Variants in PALM2AKAP2 observed in about 807,000 individuals in gnomAD.
PALM2AKAP2 encodes PALM2 and AKAP2 fusion, also known as PALM2-AKAP2 fusion protein.
PALM2AKAP2 carries 37 observed loss-of-function variants against 71.5 expected under a neutral mutation model. That is an observed-to-expected ratio of 0.52 (90% CI 0.40 to 0.68). The LOEUF (loss-of-function observed/expected upper bound fraction) is 0.68, where lower values mean the gene tolerates loss of function less well. Among genes scored for constraint, PALM2AKAP2 ranks in the 30% least tolerant of loss-of-function variants. The probability of loss-of-function intolerance (pLI) is 0.00; values close to 1 mark genes in which losing one functional copy is unlikely to be tolerated. For synonymous variants in PALM2AKAP2, 468 were observed against 478.8 expected (o/e 0.98, Z 0.29); for missense variants, 1,224 against 1,191.8 (o/e 1.03, Z -0.40).
intron 1 of PALM2AKAP2, among the ~76,000 whole-genome samples, chr9:109,735,651 A>G (rs929311856): frequency 4.6e-5 from 7 of 152,274 alleles, no homozygotes; most frequent in Middle Eastern, 3.4e-3. Flanking sequence ...TTCATTTTGC[A>G]CTGCTCTTTA....
At chr9:109,769,697 G>C (rs10816864) in intron 1 of PALM2AKAP2, among the ~76,000 whole-genome samples, 46,682 of 152,040 alleles carry the variant, frequency 0.31, 9,010 homozygotes, top group African/African-American at 0.52. Context: ...GGACCTAACA[G>C]TGTTTGAGGG....
intron 1 of PALM2AKAP2, among the ~76,000 whole-genome samples, chr9:109,732,662 C>A (rs943876861): frequency 6.6e-6 from 1 of 152,030 alleles, no homozygotes; most frequent in Non-Finnish European, 1.5e-5. Flanking sequence ...TGGGGAAAGA[C>A]AGATAATAAA....
At chr9:109,714,124 A>G (rs1483205872) in intron 1 of PALM2AKAP2, among the ~76,000 whole-genome samples, 1 of 152,250 alleles carries the variant, frequency 6.6e-6, no homozygotes, top group African/African-American at 2.4e-5. Context: ...CATCTGTCTC[A>G]GGGACATTTC....
In PALM2AKAP2 at chr9:109,943,053, G is replaced by A. The variant is rs146509905; in HGVS notation, c.496+11025G>A. ...AGTCTAGGAAAGACCATTCTTCCGG[G>A]AACCCAGGGCAGCAGGCCCAAGCCC... On this transcript the variant is annotated intron_variant, in intron 6 of 9. Coordinates refer to the PALM2AKAP2 transcript ENST00000302798. 96 of 1,614,236 alleles carry A rather than the reference G, an allele frequency of 5.9e-5. No homozygotes were observed. In the African/African-American group the frequency reaches 1.2e-3, roughly 19 times the overall value.
At chr9:109,980,097 G>A (rs1297877427) in intron 6 of PALM2AKAP2, among the ~76,000 whole-genome samples, 1 of 152,106 alleles carries the variant, frequency 6.6e-6, no homozygotes, top group African/African-American at 2.4e-5. Flanking sequence ...AACCCTCACT[G>A]TGCCCTGTGC....
chr9:110,090,154 G>T (rs189362110), intron 1 of PALM2AKAP2: 1 of 310,822 alleles, frequency 3.2e-6, no homozygotes, highest in Non-Finnish European at 6.5e-6. Context: ...AAGTCGGGCC[G>T]GTTCACATTG....
At chr9:109,685,948 C>G (rs748464764) in intron 1 of PALM2AKAP2, among the ~76,000 whole-genome samples, 6 of 152,046 alleles carry the variant, frequency 3.9e-5, no homozygotes, top group African/African-American at 7.2e-5. Context: ...TATTCTAAAT[C>G]CTTTCTGTGA....
intron 1 of PALM2AKAP2, among the ~76,000 whole-genome samples, chr9:109,781,130 C>G (rs900167085): frequency 6.6e-6 from 1 of 152,184 alleles, no homozygotes; most frequent in African/African-American, 2.4e-5. Flanking sequence ...GAGCCTCCTT[C>G]TTATGGTGTG....
intron 6 of PALM2AKAP2, among the ~76,000 whole-genome samples, chr9:109,972,992 G>C (rs1464544385): frequency 3.3e-5 from 5 of 152,076 alleles, no homozygotes; most frequent in African/African-American, 1.2e-4. Context: ...TAAGCAAAAA[G>C]ACTCAGTTAA....
At chr9:109,826,242 C>G (rs1828147029) in intron 1 of PALM2AKAP2, among the ~76,000 whole-genome samples, 1 of 152,014 alleles carries the variant, frequency 6.6e-6, no homozygotes, top group African/African-American at 2.4e-5. Flanking sequence ...GGAGGGATAG[C>G]ATTAGGAGAT....
chr9:109,763,763 C>A (rs114720218), intron 1 of PALM2AKAP2, among the ~76,000 whole-genome samples: 1 of 151,998 alleles, frequency 6.6e-6, no homozygotes, highest in Admixed American at 6.5e-5. Context: ...GATGCATAGG[C>A]CCTCAATGTG....
At chr9:109,958,132 G>T (rs937893363) in intron 6 of PALM2AKAP2, among the ~76,000 whole-genome samples, 7 of 149,392 alleles carry the variant, frequency 4.7e-5, no homozygotes, top group Admixed American at 1.4e-4. Flanking sequence ...AAATATATTT[G>T]AGGCAGTTGA....
chr9:109,708,770 T>C (rs1296935284), intron 1 of PALM2AKAP2, among the ~76,000 whole-genome samples: 1 of 152,184 alleles, frequency 6.6e-6, no homozygotes, highest in Non-Finnish European at 1.5e-5. Context: ...AAAATTACCA[T>C]GAGGTTCTGC....
chr9:110,035,432 C>T (rs1051625766), intron 7 of PALM2AKAP2, among the ~76,000 whole-genome samples: 9 of 136,852 alleles, frequency 6.6e-5, no homozygotes, highest in South Asian at 2.2e-4. Flanking sequence ...ATATTATATA[C>T]GTATATTATG....
chr9:110,107,945 G>A (rs1313075792), intron 1 of PALM2AKAP2, among the ~76,000 whole-genome samples: 1 of 152,144 alleles, frequency 6.6e-6, no homozygotes, highest in Non-Finnish European at 1.5e-5. Context: ...AGGCAAATTT[G>A]TAATTCTGTG....
intron 1 of PALM2AKAP2, among the ~76,000 whole-genome samples, chr9:109,849,266 C>T (rs1758914655): frequency 6.6e-6 from 1 of 151,966 alleles, no homozygotes; most frequent in African/African-American, 2.4e-5. Flanking sequence ...AGCCCCAGGA[C>T]TCTGCATTGG....
intron 3 of PALM2AKAP2, among the ~76,000 whole-genome samples, chr9:109,922,540 G>A (rs1420464626): frequency 6.6e-6 from 1 of 150,530 alleles, no homozygotes; most frequent in African/African-American, 2.4e-5. Flanking sequence ...CAACAGAGGG[G>A]AAAGAGACCA....
intron 2 of PALM2AKAP2, among the ~76,000 whole-genome samples, chr9:109,878,649 G>A (rs922783746): frequency 2.7e-5 from 4 of 150,408 alleles, no homozygotes; most frequent in African/African-American, 9.7e-5. Context: ...GCATGGAGCA[G>A]GGTGTCTACA....
chr9:109,700,913 G>C (rs1828044889), intron 1 of PALM2AKAP2, among the ~76,000 whole-genome samples: 1 of 152,000 alleles, frequency 6.6e-6, no homozygotes, highest in Non-Finnish European at 1.5e-5. Context: ...GAGTGTAGCT[G>C]GCAAAAATGT....
Sources: allele counts gnomAD v4.1 joint callset (sites outside exome capture counted in the v4.1 genomes callset), GRCh38; gene constraint gnomAD v4.1.1; transcripts MANE v1.5; gene names NCBI Gene and HGNC (gene_info 2026-07-23, HGNC 2026-07-21).